Variants in DCC observed in about 807,000 individuals in gnomAD.
DCC encodes DCC netrin 1 receptor, also known as netrin receptor DCC.
Under a neutral mutation model 172.5 loss-of-function variants are expected in DCC, and 58 were observed. The ratio of observed to expected loss-of-function variants is 0.34; its 90% CI spans 0.27 to 0.42. The LOEUF is 0.42. Ranked by LOEUF, DCC falls within the 10% of genes least tolerant of loss-of-function variation. The pLI is 1.00. For synonymous variants in DCC, 709 were observed against 644.5 expected, an observed-to-expected ratio of 1.10 and a Z score of -1.52; for missense variants, 1,740 against 1,791.0, an observed-to-expected ratio of 0.97 and a Z score of 0.51.
chr18:52,643,812 G>A (rs1422518140), intron 1 of DCC, among the ~76,000 whole-genome samples: 2 of 152,176 alleles, frequency 1.3e-5, no homozygotes, highest in Non-Finnish European at 1.5e-5. Flanking sequence ...AGGAGAAGAA[G>A]AAGCCCTCCT....
At chr18:52,804,340 A>C (rs924602761) in intron 2 of DCC, among the ~76,000 whole-genome samples, 2 of 152,192 alleles carry the variant, frequency 1.3e-5, no homozygotes, top group South Asian at 2.1e-4. Context: ...TGTAAATAAC[A>C]GAAAAGGTCC....
In DCC at chr18:52,404,741, G is replaced by C. The variant is rs1238341164; in HGVS notation, c.91+63863G>C. Among the ~76,000 whole-genome samples, 4 of 150,038 alleles carry C rather than the reference G, an allele frequency of 2.7e-5. No homozygotes were observed. The South Asian group carries it at 6.4e-4, about 24-fold the overall frequency. Reference sequence around the variant, plus strand: ...GTTAGTTACATATGTATACATGTGCGATGCTGGTGCGCTGCACCCACTAAC... The same window carrying C: ...GTTAGTTACATATGTATACATGTGCCATGCTGGTGCGCTGCACCCACTAAC... On this transcript the variant is annotated intron_variant, in intron 1 of 28. Transcript: ENST00000442544.
At chr18:52,371,365 T>C (rs773224974) in intron 1 of DCC, among the ~76,000 whole-genome samples, 7 of 152,232 alleles carry the variant, frequency 4.6e-5, no homozygotes, top group African/African-American at 9.6e-5. Flanking sequence ...AAGTACTAAA[T>C]TGGACAATTT....
At chr18:52,407,301 T>A (rs1411324957) in intron 1 of DCC, among the ~76,000 whole-genome samples, 1 of 152,042 alleles carries the variant, frequency 6.6e-6, no homozygotes, top group East Asian at 1.9e-4. Context: ...GAGGTAAATA[T>A]GAGATAGTTT....
intron 24 of DCC, among the ~76,000 whole-genome samples, chr18:53,460,392 T>C (rs1374886656): frequency 2.8e-5 from 4 of 144,702 alleles, no homozygotes; most frequent in Non-Finnish European, 6.0e-5. Flanking sequence ...TAACTCATCA[T>C]CTAGCATGAG....
chr18:53,304,767 T>C (rs940987717), intron 12 of DCC, among the ~76,000 whole-genome samples: 3 of 152,206 alleles, frequency 2.0e-5, no homozygotes, highest in African/African-American at 7.2e-5. Context: ...ACTTTTGATG[T>C]GCTTTTCATT....
intron 1 of DCC, among the ~76,000 whole-genome samples, chr18:52,363,302 G>GT (rs1984703156): frequency 6.6e-6 from 1 of 152,154 alleles, no homozygotes; most frequent in South Asian, 2.1e-4. Context: ...TAATTGATGG[G>GT]TTCTGTTTCT....
chr18:53,310,568 T>C (rs1568047084), intron 13 of DCC, among the ~76,000 whole-genome samples: 1 of 152,166 alleles, frequency 6.6e-6, no homozygotes, highest in Non-Finnish European at 1.5e-5. Flanking sequence ...CTATCAGGTT[T>C]ATTGTGAGAA....
intron 2 of DCC, among the ~76,000 whole-genome samples, chr18:52,808,216 A>T (rs1380426078): frequency 6.6e-6 from 1 of 152,196 alleles, no homozygotes; most frequent in East Asian, 1.9e-4. Flanking sequence ...ATCTATTGCT[A>T]TGTCTAAAAG....
intron 1 of DCC, among the ~76,000 whole-genome samples, chr18:52,401,364 C>A (rs1423467528): frequency 6.6e-6 from 1 of 151,990 alleles, no homozygotes; most frequent in African/African-American, 2.4e-5. Flanking sequence ...CCACTAGTTA[C>A]AACTTAACTT....
At chr18:52,850,773 G>A (rs2038963454) in intron 2 of DCC, among the ~76,000 whole-genome samples, 1 of 152,036 alleles carries the variant, frequency 6.6e-6, no homozygotes, top group Admixed American at 6.6e-5. Flanking sequence ...ATACTTTGGA[G>A]TCCTATTGTG....
chr18:53,463,134 G>T (rs2045580063), intron 24 of DCC, among the ~76,000 whole-genome samples: 1 of 152,186 alleles, frequency 6.6e-6, no homozygotes. Context: ...GGAGGGGAGA[G>T]CACCTCCACC....
chr18:52,461,314 G>A (rs535272179), intron 1 of DCC, among the ~76,000 whole-genome samples: 1 of 152,156 alleles, frequency 6.6e-6, no homozygotes, highest in Non-Finnish European at 1.5e-5. Context: ...CCTCTCCTGA[G>A]ATAATATTAC....
chr18:52,408,446 A>G (rs907206949), intron 1 of DCC, among the ~76,000 whole-genome samples: 1 of 152,086 alleles, frequency 6.6e-6, no homozygotes, highest in African/African-American at 2.4e-5. Context: ...TACATTTTGA[A>G]TTTCATTTTA....
chr18:52,600,541 G>A (rs1051445484), intron 1 of DCC, among the ~76,000 whole-genome samples: 1 of 152,030 alleles, frequency 6.6e-6, no homozygotes, highest in African/African-American at 2.4e-5. Context: ...GCCACTAAAA[G>A]CTCATTGGAT....
chr18:52,411,455 C>T (rs1033211325), intron 1 of DCC, among the ~76,000 whole-genome samples: 2 of 152,146 alleles, frequency 1.3e-5, no homozygotes, highest in Non-Finnish European at 2.9e-5. Flanking sequence ...GCTCTCTGGA[C>T]CCAAAAGTAA....
intron 5 of DCC, among the ~76,000 whole-genome samples, chr18:52,959,340 C>T (rs552162205): frequency 6.6e-6 from 1 of 152,094 alleles, no homozygotes; most frequent in Non-Finnish European, 1.5e-5. Context: ...TTCATGTTAA[C>T]TCAAATTTAT....
intron 12 of DCC, among the ~76,000 whole-genome samples, chr18:53,295,023 A>G (rs573539283): frequency 6.6e-6 from 1 of 152,200 alleles, no homozygotes; most frequent in Non-Finnish European, 1.5e-5. Flanking sequence ...TCTTGCTTCA[A>G]TTTAAGACAT....
At chr18:53,400,036 G>A (rs1027815871) in intron 18 of DCC, among the ~76,000 whole-genome samples, 3 of 152,016 alleles carry the variant, frequency 2.0e-5, no homozygotes, top group Non-Finnish European at 4.4e-5. Flanking sequence ...AACTTGGTAA[G>A]GAGAATATAG....
Sources: gnomAD v4.1 joint callset for allele counts (sites outside exome capture counted in the v4.1 genomes callset) on GRCh38, gnomAD v4.1.1 for gene constraint, MANE v1.5 for transcripts, NCBI Gene and HGNC (gene_info 2026-07-23, HGNC 2026-07-21) for gene names.